SPAG17: variants seen among roughly 807,000 people sequenced by gnomAD.
SPAG17 encodes sperm-associated antigen 17.
In SPAG17, 169 loss-of-function variants were observed where a neutral mutation model predicts 273.6. The observed-to-expected ratio is 0.62, with a 90% CI of 0.55 to 0.70. SPAG17 has a LOEUF of 0.70. SPAG17 is among the 30% of genes least tolerant of loss of function. SPAG17 has a pLI of 0.00. For synonymous variants in SPAG17, 825 were observed against 873.2 expected, an observed-to-expected ratio of 0.94 and a Z score of 0.97; for missense variants, 2,557 against 2,627.8, an observed-to-expected ratio of 0.97 and a Z score of 0.59.
At chr1:118,071,632 G>C (rs908423956) in intron 17 of SPAG17, among the ~76,000 whole-genome samples, 1 of 151,918 alleles carries the variant, frequency 6.6e-6, no homozygotes, top group Admixed American at 6.6e-5. Context: ...GCGACACAGC[G>C]AGACATCATC....
chr1:118,148,065 A>C (rs1659138185), intron 3 of SPAG17, among the ~76,000 whole-genome samples: 1 of 152,240 alleles, frequency 6.6e-6, no homozygotes, highest in African/African-American at 2.4e-5. Flanking sequence ...CCTTATCTCC[A>C]AAATGGAGGT....
intron 1 of SPAG17, among the ~76,000 whole-genome samples, chr1:118,155,732 A>T (rs1029927216): frequency 6.6e-6 from 1 of 152,238 alleles, no homozygotes; most frequent in East Asian, 1.9e-4. Flanking sequence ...TTAACACTGT[A>T]CAGATATGCA....
chr1:118,003,113 G>T (rs760584845), intron 32 of SPAG17, among the ~76,000 whole-genome samples: 6 of 152,076 alleles, frequency 3.9e-5, no homozygotes, highest in Admixed American at 2.6e-4. Context: ...ATGAAATTTG[G>T]GGTTGAAAAC....
At chr1:118,043,088 T>C (rs1204866923) in intron 20 of SPAG17, among the ~76,000 whole-genome samples, 2 of 152,144 alleles carry the variant, frequency 1.3e-5, no homozygotes, top group Admixed American at 1.3e-4. Context: ...AAATAGAGAA[T>C]ATAAGGTAAG....
At chr1:118,099,840 A>C in intron 5 of SPAG17, 40 bp from the exon 6 acceptor site, 1 of 1,586,698 alleles carries the variant, frequency 6.3e-7, no homozygotes. Flanking sequence ...CATCATTGTA[A>C]AAGAGAGCAG....
intron 43 of SPAG17, among the ~76,000 whole-genome samples, chr1:117,976,764 T>C (rs757175963): frequency 1.3e-5 from 2 of 152,162 alleles, no homozygotes; most frequent in Admixed American, 6.5e-5. Context: ...AGAGCTGCCA[T>C]GGACATCCAC....
intron 18 of SPAG17, among the ~76,000 whole-genome samples, chr1:118,063,187 C>T (rs1208508657): frequency 6.6e-6 from 1 of 152,122 alleles, no homozygotes; most frequent in Non-Finnish European, 1.5e-5. Context: ...TCAATGCCAT[C>T]CCCATCAAGC....
chr1:118,184,948 G>A, intron 1 of SPAG17, 123 bp downstream of exon 1: 1 of 828,154 alleles, frequency 1.2e-6, no homozygotes, highest in Admixed American at 2.1e-5. Flanking sequence ...CCTGGGTCCT[G>A]GAACCATCAG....
chr1:118,117,614 C>G (rs1314071677), intron 3 of SPAG17, among the ~76,000 whole-genome samples: 1 of 152,208 alleles, frequency 6.6e-6, no homozygotes, highest in African/African-American at 2.4e-5. Context: ...CACACATGCT[C>G]TCATGACATA....
chr1:117,987,281 T>C (rs1331680805), intron 40 of SPAG17, among the ~76,000 whole-genome samples: 1 of 152,190 alleles, frequency 6.6e-6, no homozygotes, highest in African/African-American at 2.4e-5. Context: ...CCCTAACACA[T>C]TTCACAAGAC....
At chr1:118,179,553 C>A (rs1252665801) in intron 1 of SPAG17, among the ~76,000 whole-genome samples, 1 of 151,838 alleles carries the variant, frequency 6.6e-6, no homozygotes, top group African/African-American at 2.4e-5. Flanking sequence ...TTGTGTAAGA[C>A]CTCAAAAGCA....
chr1:118,104,835 T>G (rs1430076978), intron 4 of SPAG17, among the ~76,000 whole-genome samples: 1 of 152,170 alleles, frequency 6.6e-6, no homozygotes, highest in Non-Finnish European at 1.5e-5. Context: ...CAACTGTTTC[T>G]GGAAGTTTGG....
intron 44 of SPAG17, among the ~76,000 whole-genome samples, chr1:117,972,259 T>C (rs1278098621): frequency 6.6e-6 from 1 of 152,208 alleles, no homozygotes; most frequent in African/African-American, 2.4e-5. Context: ...AACTGAAAGA[T>C]GGATAATTGT....
intron 3 of SPAG17, among the ~76,000 whole-genome samples, chr1:118,132,029 G>A (rs547368939): frequency 6.6e-6 from 1 of 152,360 alleles, no homozygotes; most frequent in East Asian, 1.9e-4. Context: ...GCTTTTCGTG[G>A]AGTTGGGGAG....
rs558053637 is a variant in SPAG17 at position 117,979,797 on chromosome 1, T to C, written c.6004+1473A>G. Among the ~76,000 whole-genome samples, 314 of 152,330 alleles carry C rather than the reference T, an allele frequency of 2.1e-3. 1 individual carries two copies. The highest frequency in any genetic ancestry group is 0.016 in the South Asian group (79 of 4,828). ...CTTCTTACCTGCTATTCTTACTACA[T>C]GAACTATTGCTCTCCTAATCTTTGC... On this transcript the variant is annotated intron_variant, in intron 43 of 48. Coordinates refer to ENST00000336338, the MANE Select transcript of SPAG17 (RefSeq NM_206996.4).
Position 118,101,839 on chromosome 1 carries a change from T to G in SPAG17, c.535A>C (p.Lys179Gln). The G allele has an allele frequency of 6.2e-7, 1 of 1,614,024 alleles. No homozygotes were observed. The highest frequency in any genetic ancestry group is 8.5e-7 in the Non-Finnish European group (1 of 1,179,936). Residue 179 changes from lysine to glutamine, a missense_variant, in exon 5 of 49, where the codon AAA becomes CAA. Physicochemically the swap from Lys to Gln is moderately conservative, Grantham distance 53. Coordinates refer to ENST00000336338, the MANE Select transcript of SPAG17 (RefSeq NM_206996.4). ...EKKAPSAKPA[K>Q]GKGKDQPEAN... ...TCAGGCTGATCCTTTCCCTTTCCTTTGGCAGGCTTGGCACTTGGAGCCTTT... is the reference window on the plus strand; with the variant it reads ...TCAGGCTGATCCTTTCCCTTTCCTTGGGCAGGCTTGGCACTTGGAGCCTTT...
chr1:118,073,371 T>A (rs1360559721), intron 17 of SPAG17, among the ~76,000 whole-genome samples: 1 of 152,208 alleles, frequency 6.6e-6, no homozygotes, highest in Non-Finnish European at 1.5e-5. Flanking sequence ...GAGGATTAAA[T>A]GAGCTAATAA....
rs755485181 is a variant in SPAG17 at position 118,066,871 on chromosome 1, C to G, written c.2414G>C (p.Arg805Thr). The change falls in exon 18 of 49, where the codon AGG (arginine) becomes ACG (threonine). Residue 805 changes from arginine (R) to threonine (T), a missense_variant. Coordinates refer to ENST00000336338, the MANE Select transcript of SPAG17 (RefSeq NM_206996.4). ...QVLQEAHKQY[R>T]CVDSYYHTQD... is the part of the protein sequence containing the mutation. ...GGTGTGGTAGTAAGAATCAACACAC[C>G]TATATTGCTTATGGGCTTCTTGAAG... 6.2e-7 allele frequency: 1 copy of G among 1,612,046 alleles called. No homozygotes were observed.
At chr1:118,107,599 A>T (rs1656479366) in intron 4 of SPAG17, among the ~76,000 whole-genome samples, 2 of 152,154 alleles carry the variant, frequency 1.3e-5, no homozygotes. Context: ...GGCTCAAGAA[A>T]TCCTCCTACC....
Sources: gnomAD v4.1 joint callset for allele counts (sites outside exome capture counted in the v4.1 genomes callset) on GRCh38, gnomAD v4.1.1 for gene constraint, MANE v1.5 for transcripts, NCBI Gene and HGNC (gene_info 2026-07-23, HGNC 2026-07-21) for gene names.